The following PPARGC1A variants were observed in gnomAD, a reference collection of about 807,000 sequenced individuals.
PPARGC1A encodes the protein peroxisome proliferator-activated receptor gamma coactivator 1-alpha.
A neutral mutation model predicts 88.7 loss-of-function variants in PPARGC1A; 25 were observed. The observed-to-expected ratio is 0.28, with a 90% CI of 0.21 to 0.39. PPARGC1A has a LOEUF of 0.39. Ranked by LOEUF, PPARGC1A falls within the 10% of genes least tolerant of loss-of-function variation. The probability of loss-of-function intolerance (pLI) is 1.00; values close to 1 mark genes in which losing one functional copy is unlikely to be tolerated. For synonymous variants in PPARGC1A, 363 were observed against 355.6 expected (o/e 1.02, Z -0.24); for missense variants, 880 against 968.7 (o/e 0.91, Z 1.22).
the PPARGC1A span, among the ~76,000 whole-genome samples, chr4:24,082,672 C>G: frequency 1.3e-5 from 2 of 152,056 alleles, no homozygotes; most frequent in Non-Finnish European, 2.9e-5. Flanking sequence ...TCTTTAGACA[C>G]GCAAGAGCTG....
the PPARGC1A span, among the ~76,000 whole-genome samples, chr4:23,980,005 A>G: frequency 6.6e-6 from 1 of 152,016 alleles, no homozygotes; most frequent in Non-Finnish European, 1.5e-5. Flanking sequence ...CCCACTGAAA[A>G]GACTGTTTAA....
rs776615098 is a variant in PPARGC1A, at chr4:23,889,622, CAT to C, written c.54+280_54+281del. Among the ~76,000 whole-genome samples the C allele has an allele frequency of 3.3e-5, 5 of 152,188 alleles. No homozygotes were observed. The East Asian group carries it at 5.8e-4, about 18-fold the overall frequency. ...TCAATATCTTAGAGCATAAATATTG[CAT>C]ATGAGTAGAAACAGTGCCAAAGTCA... On this transcript the variant is annotated intron_variant, in intron 1 of 12. Coordinates refer to ENST00000264867, the MANE Select transcript of PPARGC1A (RefSeq NM_013261.5).
chr4:23,930,113 C>T, the PPARGC1A span, among the ~76,000 whole-genome samples: 1 of 152,046 alleles, frequency 6.6e-6, no homozygotes, highest in Admixed American at 6.5e-5. Context: ...TGAATTTTTA[C>T]CTAGATATTC....
the PPARGC1A span, among the ~76,000 whole-genome samples, chr4:24,287,634 GCACACACACACA>G: frequency 3.5e-5 from 5 of 142,052 alleles, no homozygotes; most frequent in African/African-American, 7.9e-5. Flanking sequence ...AACACCACAT[GCACACACACACA>G]CACACACACA....
chr4:24,101,928 C>T, the PPARGC1A span, among the ~76,000 whole-genome samples: 4 of 149,254 alleles, frequency 2.7e-5, no homozygotes, highest in South Asian at 2.1e-4. Context: ...TGAGAACTAA[C>T]GATTGAGAGA....
At chr4:24,275,132 G>T in the PPARGC1A span, among the ~76,000 whole-genome samples, 1 of 152,156 alleles carries the variant, frequency 6.6e-6, no homozygotes, top group African/African-American at 2.4e-5. Flanking sequence ...TTCACATATG[G>T]CCAATATCAG....
At chr4:24,217,437 C>T in the PPARGC1A span, among the ~76,000 whole-genome samples, 11 of 152,060 alleles carry the variant, frequency 7.2e-5, no homozygotes, top group Non-Finnish European at 1.5e-4. Flanking sequence ...TGCCGTTGTT[C>T]GGATGGAAGA....
At chr4:24,432,198 G>A in the PPARGC1A span, among the ~76,000 whole-genome samples, 1 of 152,200 alleles carries the variant, frequency 6.6e-6, no homozygotes, top group African/African-American at 2.4e-5. Context: ...AGCGGTAAAG[G>A]TGGAAGGGGT....
At chr4:23,826,695 T>C (rs1560385255) in intron 5 of PPARGC1A, among the ~76,000 whole-genome samples, 1 of 152,216 alleles carries the variant, frequency 6.6e-6, no homozygotes, top group Admixed American at 6.5e-5. Flanking sequence ...CTTTTAAGCC[T>C]TTCATAACTA....
the PPARGC1A span, among the ~76,000 whole-genome samples, chr4:24,119,758 TGTGA>T: frequency 6.6e-6 from 1 of 152,246 alleles, no homozygotes; most frequent in African/African-American, 2.4e-5. Context: ...TGAATTGAAA[TGTGA>T]GTGACTGTGT....
chr4:24,334,704 G>C, the PPARGC1A span, among the ~76,000 whole-genome samples: 1 of 152,154 alleles, frequency 6.6e-6, no homozygotes, highest in East Asian at 1.9e-4. Flanking sequence ...GGAGGATGTT[G>C]GGGGGCATGT....
the PPARGC1A span, among the ~76,000 whole-genome samples, chr4:24,325,780 C>T: frequency 1.3e-5 from 2 of 152,144 alleles, no homozygotes; most frequent in Non-Finnish European, 2.9e-5. Context: ...TTAATCAATA[C>T]AGAGGCTACC....
the PPARGC1A span, among the ~76,000 whole-genome samples, chr4:24,252,302 T>C: frequency 4.6e-5 from 7 of 152,166 alleles, no homozygotes; most frequent in African/African-American, 1.7e-4. Context: ...TCAGAATGTC[T>C]GGGTTAAGGA....
chr4:24,394,755 A>G, the PPARGC1A span, among the ~76,000 whole-genome samples: 1 of 152,232 alleles, frequency 6.6e-6, no homozygotes, highest in Non-Finnish European at 1.5e-5. Flanking sequence ...ATTATTTTAT[A>G]TGCCACTAAG....
upstream of PPARGC1A, among the ~76,000 whole-genome samples, chr4:23,899,906 A>G (rs1719085973): frequency 6.6e-6 from 1 of 152,124 alleles, no homozygotes; most frequent in African/African-American, 2.4e-5. Flanking sequence ...CTTATGATAC[A>G]TGTACTTTTC....
At chr4:24,023,548 A>C in the PPARGC1A span, among the ~76,000 whole-genome samples, 35 of 152,330 alleles carry the variant, frequency 2.3e-4, no homozygotes, top group African/African-American at 7.5e-4. Context: ...AGGATATAGT[A>C]GTTGATATCA....
the PPARGC1A span, among the ~76,000 whole-genome samples, chr4:24,284,761 G>T: frequency 9.9e-5 from 15 of 152,222 alleles, no homozygotes; most frequent in African/African-American, 3.1e-4. Context: ...GGGCACGGTG[G>T]CTCACGCCTG....
the PPARGC1A span, among the ~76,000 whole-genome samples, chr4:24,026,657 G>A: frequency 6.6e-6 from 1 of 152,188 alleles, no homozygotes; most frequent in South Asian, 2.1e-4. Flanking sequence ...AAATTGGCAA[G>A]TTTTTAGACA....
intron 10 of PPARGC1A, among the ~76,000 whole-genome samples, chr4:23,803,163 T>G (rs958436932): frequency 1.1e-4 from 16 of 152,134 alleles, no homozygotes; most frequent in Admixed American, 1.3e-4. Context: ...TAAAAATTAC[T>G]TGGGGTGCTG....
Sources: gnomAD v4.1 joint callset for allele counts (sites outside exome capture counted in the v4.1 genomes callset) on GRCh38, gnomAD v4.1.1 for gene constraint, MANE v1.5 for transcripts, NCBI Gene and HGNC (gene_info 2026-07-23, HGNC 2026-07-21) for gene names.